Variants in BCAS3 observed in about 807,000 individuals in gnomAD.
The protein encoded by BCAS3 is BCAS3 microtubule associated cell migration factor, also known as BCAS4/BCAS3 fusion.
Under a neutral mutation model 116.1 loss-of-function variants are expected in BCAS3, and 53 were observed. That is an observed-to-expected ratio of 0.46 (90% CI 0.37 to 0.57). BCAS3 has a LOEUF of 0.57. Ranked by LOEUF, BCAS3 falls within the 20% of genes least tolerant of loss-of-function variation. The pLI, the probability that BCAS3 is intolerant of heterozygous loss-of-function variation, is 0.00. For synonymous variants in BCAS3, 391 were observed against 408.2 expected (o/e 0.96, Z 0.51); for missense variants, 917 against 1,165.4 (o/e 0.79, Z 3.10).
At chr17:60,878,392 G>T (rs185808221) in intron 9 of BCAS3, among the ~76,000 whole-genome samples, 1 of 152,240 alleles carries the variant, frequency 6.6e-6, no homozygotes, top group Non-Finnish European at 1.5e-5. Flanking sequence ...GAAGAATAGG[G>T]ACTGAAAGGG....
At chr17:61,223,488 C>T (rs1012246501) in intron 22 of BCAS3, among the ~76,000 whole-genome samples, 1 of 152,088 alleles carries the variant, frequency 6.6e-6, no homozygotes. Flanking sequence ...ATATTCAAAA[C>T]ATTTTAAAAG....
intron 7 of BCAS3, among the ~76,000 whole-genome samples, chr17:60,813,136 C>G (rs1017326505): frequency 6.6e-5 from 10 of 152,068 alleles, no homozygotes; most frequent in Admixed American, 4.6e-4. Flanking sequence ...GACCCTCAAG[C>G]TATGTTCTTT....
At chr17:60,908,155 GTT>G (rs370349223) in intron 11 of BCAS3, among the ~76,000 whole-genome samples, 1 of 147,972 alleles carries the variant, frequency 6.8e-6, no homozygotes, top group African/African-American at 2.5e-5. Context: ...CAATAGTCAT[GTT>G]TTTTTTTTCC....
chr17:60,945,799 A>AAAT (rs1406713309), intron 13 of BCAS3, among the ~76,000 whole-genome samples: 1 of 150,564 alleles, frequency 6.6e-6, no homozygotes, highest in Non-Finnish European at 1.5e-5. Context: ...AGACTGTCTC[A>AAAT]AATAATAATA....
At chr17:60,689,194 GA>G (rs1476696285) in intron 3 of BCAS3, 1 of 152,128 alleles carries the variant, frequency 6.6e-6, no homozygotes, top group African/African-American at 2.4e-5. Flanking sequence ...TTTTGTGGGG[GA>G]CAGAGTCTTG....
intron 7 of BCAS3, among the ~76,000 whole-genome samples, chr17:60,843,593 C>A (rs1195280586): frequency 2.0e-5 from 3 of 152,138 alleles, no homozygotes; most frequent in Non-Finnish European, 4.4e-5. Flanking sequence ...GTTCCTCTCC[C>A]TACACTCAGT....
intron 22 of BCAS3, among the ~76,000 whole-genome samples, chr17:61,116,866 T>G (rs1442005060): frequency 6.6e-6 from 1 of 152,198 alleles, no homozygotes; most frequent in Non-Finnish European, 1.5e-5. Context: ...TAATTGAAGT[T>G]TTTTTCCCAT....
At chr17:61,223,141 G>A (rs1488164776) in intron 22 of BCAS3, among the ~76,000 whole-genome samples, 2 of 145,392 alleles carry the variant, frequency 1.4e-5, no homozygotes, top group African/African-American at 5.1e-5. Flanking sequence ...TATGTGACAG[G>A]ATGCAGCGCC....
rs1401364977 is a variant in BCAS3, at chr17:61,043,217, A to G, written c.2029+2325A>G. On this transcript the variant is annotated intron_variant, in intron 19 of 23. Transcript: ENST00000407086. ...CCATCTCTACTAAAACACACAAAAA[A>G]ATCACCCAGGTGTGGTGGCGTGCAC... Among the ~76,000 whole-genome samples the G allele has an allele frequency of 1.4e-4, 22 of 151,732 alleles. 1 individual carries two copies. The highest frequency in any genetic ancestry group is 1.4e-3 in the Admixed American group (22 of 15,236).
At chr17:60,949,608 A>C (rs953122714) in intron 14 of BCAS3, among the ~76,000 whole-genome samples, 1 of 152,124 alleles carries the variant, frequency 6.6e-6, no homozygotes, top group Non-Finnish European at 1.5e-5. Flanking sequence ...TAATAGTTGT[A>C]CCTATTTGTG....
rs796949199 is a variant in BCAS3 at position 61,205,170 on chromosome 17, GA to G, written c.2425+120615del. Among the ~76,000 whole-genome samples the G allele has an allele frequency of 5.3e-5, 8 of 150,564 alleles. No individual in the cohort carries two copies. The highest frequency in any genetic ancestry group is 7.3e-5 in the African/African-American group (3 of 40,904). On this transcript the variant is annotated intron_variant, in intron 22 of 23. Transcript: ENST00000407086. The surrounding 1 kb of genome is among the most constrained non-coding windows in gnomAD (Gnocchi z 5.2). Reference sequence around the variant, plus strand: ...TATGAAAAAAAGGTTGAAACTGAAAGAAAAAAAAAGGCATTATTTATTTTCC... The same window carrying G: ...TATGAAAAAAAGGTTGAAACTGAAAGAAAAAAAAGGCATTATTTATTTTCC...
In BCAS3 at chr17:60,977,102, C is replaced by T. The variant is rs375809002; in HGVS notation, c.1222-12869C>T. ...CTCCCGGACGGGGTGGCTGGCCGGG[C>T]GGGGGCTGCCCCCCACCTCCCGGAC... On this transcript the variant is annotated intron_variant, in intron 14 of 23. Coordinates refer to ENST00000407086, the MANE Select transcript of BCAS3 (RefSeq NM_017679.5). 5.1e-3 allele frequency among the ~76,000 whole-genome samples: 776 copies of T among 151,874 alleles called. 2 individuals carry two copies. The highest frequency in any genetic ancestry group is 0.011 in the East Asian group (56 of 5,150).
intron 22 of BCAS3, among the ~76,000 whole-genome samples, chr17:61,359,595 AT>A (rs1391069916): frequency 5.3e-5 from 8 of 151,164 alleles, no homozygotes. Flanking sequence ...AATTCAAGTG[AT>A]TTTCCTGCTT....
At chr17:60,894,149 G>T in intron 10 of BCAS3, among the ~76,000 whole-genome samples, 1 of 151,944 alleles carries the variant, frequency 6.6e-6, no homozygotes, top group Admixed American at 6.6e-5. Flanking sequence ...GAATTGTGCT[G>T]AATCTATAGA....
intron 22 of BCAS3, among the ~76,000 whole-genome samples, chr17:61,120,561 A>G (rs774335802): frequency 6.6e-6 from 1 of 152,116 alleles, no homozygotes; most frequent in Non-Finnish European, 1.5e-5. Flanking sequence ...AGCCTGATGT[A>G]TCCCTGAAAA....
intron 4 of BCAS3, among the ~76,000 whole-genome samples, chr17:60,699,869 A>C (rs950463173): frequency 3.3e-5 from 5 of 151,692 alleles, no homozygotes; most frequent in African/African-American, 1.2e-4. Flanking sequence ...TCTCAAAAAA[A>C]AAAAAAAAAA....
chr17:61,279,323 G>A lies in BCAS3; in HGVS notation c.2426-89004G>A, dbSNP rs1049949077. Among the ~76,000 whole-genome samples the A allele has an allele frequency of 6.6e-6, 1 of 151,732 alleles. No homozygotes were observed. The highest frequency in any genetic ancestry group is 2.4e-5 in the African/African-American group (1 of 41,304). ...AATAAATCTTTTTTTTTTTAAGGCA[G>A]CCTAGGTCTGACACACCTAATAGAA... is the stretch of plus-strand genomic sequence containing the variant. On this transcript the variant is annotated intron_variant, in intron 22 of 23. Coordinates refer to ENST00000407086, the MANE Select transcript of BCAS3 (RefSeq NM_017679.5). The surrounding 1 kb of genome is among the most constrained non-coding windows in gnomAD (Gnocchi z 4.4).
At position 61,361,347 on chromosome 17, in the gene BCAS3, A is replaced by G. The variant is rs921401081; in HGVS notation, c.2426-6980A>G. Reference sequence around the variant, plus strand: ...AATTGCATATTTTGCAGTTGTGAAAATGGTCTCCTTGTCAAAATAACTGTG... The same window carrying G: ...AATTGCATATTTTGCAGTTGTGAAAGTGGTCTCCTTGTCAAAATAACTGTG... On this transcript the variant is annotated intron_variant, in intron 22 of 23. Transcript: ENST00000407086. This position sits in a 1 kb window ranked among gnomAD's most constrained non-coding sequence, Gnocchi z 6.5. Among the ~76,000 whole-genome samples the G allele has an allele frequency of 1.1e-4, 16 of 152,170 alleles. No homozygotes were observed. The highest frequency in any genetic ancestry group is 3.9e-4 in the African/African-American group (16 of 41,462).
At chr17:60,905,455 T>C (rs1490769378) in intron 11 of BCAS3, among the ~76,000 whole-genome samples, 2 of 152,246 alleles carry the variant, frequency 1.3e-5, no homozygotes, top group Non-Finnish European at 2.9e-5. Flanking sequence ...TCTGGTTCTC[T>C]TGGTTTTTAA....
Sources: allele counts gnomAD v4.1 joint callset (sites outside exome capture counted in the v4.1 genomes callset), GRCh38; gene constraint gnomAD v4.1.1; non-coding constraint Gnocchi (gnomAD v3.1); transcripts MANE v1.5; gene names NCBI Gene and HGNC (gene_info 2026-07-23, HGNC 2026-07-21).